BANK1: variants seen among roughly 807,000 people sequenced by gnomAD.
BANK1 encodes B cell scaffold protein with ankyrin repeats 1.
A neutral mutation model predicts 94.5 loss-of-function variants in BANK1; 95 were observed. The observed-to-expected ratio is 1.00, with a 90% CI of 0.85 to 1.19. The LOEUF (loss-of-function observed/expected upper bound fraction) is 1.19, where lower values mean the gene tolerates loss of function less well. Among genes scored for constraint, BANK1 ranks in the 50% most tolerant of loss-of-function variants. The pLI is 0.00. For missense variants in BANK1, 987 were observed against 932.2 expected (o/e 1.06, Z -0.77); for synonymous variants, 334 against 308.4 (o/e 1.08, Z -0.87).
Position 101,803,485 on chromosome 4 carries a change from A to G in BANK1, c.70+12535A>G, listed in dbSNP as rs537236015. On this transcript the variant is annotated intron_variant, in intron 1 of 16. Transcript: ENST00000322953. ...TTGTGCTAGCGAAAATGAGAGGAAA[A>G]TGAGAAAGTGGTTATCTATTAGGGA... Among the ~76,000 whole-genome samples the G allele has an allele frequency of 1.1e-3, 173 of 152,254 alleles. 1 individual carries two copies. The highest frequency in any genetic ancestry group is 3.7e-3 in the African/African-American group (155 of 41,550).
chr4:101,942,461 A>G (rs1723786360), intron 7 of BANK1, among the ~76,000 whole-genome samples: 1 of 151,928 alleles, frequency 6.6e-6, no homozygotes, highest in Admixed American at 6.6e-5. Context: ...CTAGAAAGTT[A>G]GAATTGAGAA....
chr4:102,067,907 G>T (rs1728644709), intron 13 of BANK1, among the ~76,000 whole-genome samples: 9 of 151,954 alleles, frequency 5.9e-5, no homozygotes, highest in Admixed American at 5.9e-4. Context: ...GATCAAAAAA[G>T]TTTCAGTAAA....
chr4:102,020,465 C>T (rs1187812638), intron 7 of BANK1, among the ~76,000 whole-genome samples: 1 of 151,880 alleles, frequency 6.6e-6, no homozygotes, highest in Non-Finnish European at 1.5e-5. Flanking sequence ...GAAAATATTT[C>T]ATTTTCAAAA....
intron 3 of BANK1, among the ~76,000 whole-genome samples, chr4:101,856,700 T>C (rs1426271960): frequency 6.6e-6 from 1 of 152,168 alleles, no homozygotes; most frequent in African/African-American, 2.4e-5. Flanking sequence ...AGATGTGTTA[T>C]TTAGATAGCT....
In BANK1 at chr4:101,872,964, G is replaced by A. The variant is rs1180374011; in HGVS notation, c.903+2320G>A. On this transcript the variant is annotated intron_variant, in intron 5 of 16. Coordinates refer to ENST00000322953, the MANE Select transcript of BANK1 (RefSeq NM_017935.5). The stretch of plus-strand genomic sequence containing the variant: ...AATCACGCCACAGCACTCCAGCCTG[G>A]GTGACAGAATAAGTCTCTGTCTCAA... Among the ~76,000 whole-genome samples, 6 of 151,338 alleles carry A rather than the reference G, an allele frequency of 4.0e-5. 1 individual carries two copies. The highest frequency in any genetic ancestry group is 4.0e-4 in the Admixed American group (6 of 15,156).
chr4:101,933,877 C>T (rs991929914), intron 7 of BANK1, among the ~76,000 whole-genome samples: 1 of 151,462 alleles, frequency 6.6e-6, no homozygotes, highest in Non-Finnish European at 1.5e-5. Flanking sequence ...CTATGAGACA[C>T]TGTCGTTTAG....
intron 2 of BANK1, among the ~76,000 whole-genome samples, chr4:101,849,437 A>G (rs570881010): frequency 2.1e-4 from 32 of 152,198 alleles, no homozygotes; most frequent in East Asian, 3.9e-4. Flanking sequence ...TGCCCAATAC[A>G]TGTCTTTAGC....
intron 1 of BANK1, among the ~76,000 whole-genome samples, chr4:101,798,635 T>C (rs1725244584): frequency 6.6e-6 from 1 of 152,220 alleles, no homozygotes; most frequent in African/African-American, 2.4e-5. Flanking sequence ...GTTTCCTGAC[T>C]TTTTAGTGAT....
chr4:102,007,376 A>G (rs1459958767), intron 7 of BANK1, among the ~76,000 whole-genome samples: 1 of 151,238 alleles, frequency 6.6e-6, no homozygotes, highest in Non-Finnish European at 1.5e-5. Flanking sequence ...TTTGTCAAAT[A>G]GCAACTGGGT....
intron 7 of BANK1, among the ~76,000 whole-genome samples, chr4:101,996,165 C>T (rs1725871621): frequency 6.6e-6 from 1 of 152,178 alleles, no homozygotes; most frequent in African/African-American, 2.4e-5. Flanking sequence ...GTTTTCCCAA[C>T]ACCATTTATT....
chr4:101,973,620 A>G (rs1045293828), intron 7 of BANK1, among the ~76,000 whole-genome samples: 1 of 152,058 alleles, frequency 6.6e-6, no homozygotes, highest in Non-Finnish European at 1.5e-5. Flanking sequence ...CTAATGGTGG[A>G]AAATAGTCAT....
At chr4:102,013,225 A>C (rs1726569505) in intron 7 of BANK1, among the ~76,000 whole-genome samples, 1 of 152,018 alleles carries the variant, frequency 6.6e-6, no homozygotes, top group Non-Finnish European at 1.5e-5. Context: ...TTCCTTAATC[A>C]ATTATTCGCT....
intron 2 of BANK1, among the ~76,000 whole-genome samples, chr4:101,835,712 C>T (rs573069458): frequency 8.0e-4 from 122 of 152,264 alleles, no homozygotes; most frequent in Admixed American, 2.2e-3. Context: ...ACTGGACCTT[C>T]CTAGAACTAG....
intron 2 of BANK1, 92 bp downstream of exon 2, chr4:101,830,298 G>T (rs1726568102): frequency 2.8e-6 from 3 of 1,065,894 alleles, no homozygotes; most frequent in East Asian, 2.7e-5. Context: ...CCAATAACTG[G>T]TGTCAGGATA....
intron 2 of BANK1, among the ~76,000 whole-genome samples, chr4:101,852,804 A>G (rs1002194848): frequency 3.3e-5 from 5 of 152,014 alleles, no homozygotes; most frequent in Non-Finnish European, 7.4e-5. Context: ...GTGAATATTC[A>G]TAGAGATAAA....
At chr4:101,860,502 C>T (rs552908813) in intron 3 of BANK1, among the ~76,000 whole-genome samples, 3 of 152,052 alleles carry the variant, frequency 2.0e-5, no homozygotes, top group Non-Finnish European at 4.4e-5. Flanking sequence ...GTGATCTCGG[C>T]TCACTGCAAC....
chr4:101,875,313 C>T (rs1728448264), intron 5 of BANK1, among the ~76,000 whole-genome samples: 1 of 152,148 alleles, frequency 6.6e-6, no homozygotes, highest in Non-Finnish European at 1.5e-5. Flanking sequence ...CCAAACTCAG[C>T]TGACATTCAC....
At chr4:101,999,407 C>A (rs531136531) in intron 7 of BANK1, among the ~76,000 whole-genome samples, 1 of 152,170 alleles carries the variant, frequency 6.6e-6, no homozygotes, top group African/African-American at 2.4e-5. Context: ...TAAGTGAGGT[C>A]TCCTTGTTTC....
chr4:102,057,915 AAC>A (rs899237950), intron 11 of BANK1, among the ~76,000 whole-genome samples: 33 of 152,204 alleles, frequency 2.2e-4, no homozygotes, highest in Non-Finnish European at 3.2e-4. Context: ...ACAATAGAAT[AAC>A]ACATATTTTA....
Sources: allele counts gnomAD v4.1 joint callset (sites outside exome capture counted in the v4.1 genomes callset), GRCh38; gene constraint gnomAD v4.1.1; transcripts MANE v1.5; gene names NCBI Gene and HGNC (gene_info 2026-07-23, HGNC 2026-07-21).